ST3GAL1: variants seen among roughly 807,000 people sequenced by gnomAD.
ST3GAL1 encodes the protein CMP-N-acetylneuraminate-beta-galactosamide-alpha-2,3-sialyltransferase 1.
ST3GAL1 carries 16 observed loss-of-function variants against 34.1 expected under a neutral mutation model. That is an observed-to-expected ratio of 0.47 (90% CI 0.32 to 0.71). The LOEUF (loss-of-function observed/expected upper bound fraction) is 0.71. Among genes scored for constraint, ST3GAL1 ranks in the 30% least tolerant of loss-of-function variants. The pLI, the probability that ST3GAL1 is intolerant of heterozygous loss-of-function variation, is 0.04. For synonymous variants in ST3GAL1, 191 were observed against 184.7 expected, an observed-to-expected ratio of 1.03 and a Z score of -0.28; for missense variants, 353 against 447.4, an observed-to-expected ratio of 0.79 and a Z score of 1.90.
chr8:133,465,204 A>T (rs1180978113), intron 6 of ST3GAL1, among the ~76,000 whole-genome samples: 1 of 152,228 alleles, frequency 6.6e-6, no homozygotes, highest in East Asian at 1.9e-4. Context: ...TGTCACAGAC[A>T]ATCTCATCCA....
chr8:133,522,363 A>G (rs1817838043), intron 2 of ST3GAL1, among the ~76,000 whole-genome samples: 1 of 152,196 alleles, frequency 6.6e-6, no homozygotes, highest in Non-Finnish European at 1.5e-5. Flanking sequence ...CTCCAGGCAC[A>G]GAAGGTTCCC....
intron 1 of ST3GAL1, among the ~76,000 whole-genome samples, chr8:133,565,358 C>A (rs1175134166): frequency 1.3e-5 from 2 of 152,124 alleles, no homozygotes; most frequent in Admixed American, 1.3e-4. Flanking sequence ...ATCCGCCTGG[C>A]TCCTCTCCTG....
At chr8:133,511,191 T>C (rs1490274721) in intron 2 of ST3GAL1, among the ~76,000 whole-genome samples, 2 of 152,240 alleles carry the variant, frequency 1.3e-5, no homozygotes, top group East Asian at 3.8e-4. Context: ...TAAAAATTCT[T>C]GTCCAGCCAG....
intron 2 of ST3GAL1, among the ~76,000 whole-genome samples, chr8:133,509,696 C>T (rs138993082): frequency 3.3e-4 from 50 of 152,264 alleles, no homozygotes; most frequent in African/African-American, 1.1e-3. Flanking sequence ...TTTTACAGGA[C>T]GAGGTCAGTG....
intron 1 of ST3GAL1, among the ~76,000 whole-genome samples, chr8:133,553,560 C>T (rs1345785744): frequency 2.0e-5 from 3 of 152,206 alleles, no homozygotes; most frequent in Non-Finnish European, 4.4e-5. Flanking sequence ...TGTGTCTCCT[C>T]TTTTGGTGAT....
In ST3GAL1 at chr8:133,569,837, G is replaced by C. The variant is rs961456582; in HGVS notation, c.-582+1856C>G. On this transcript the variant is annotated intron_variant, in intron 1 of 9. Transcript: ENST00000522652. ...AGCCTCTGGGCGCTTGGGCAGCGCG[G>C]GGTAAAGAAAATCAGGAGGCTCCGC... 2.0e-5 allele frequency among the ~76,000 whole-genome samples: 3 copies of C among 152,350 alleles called. No individual in the cohort carries two copies. In the East Asian group the frequency reaches 5.8e-4, roughly 29 times the overall value.
At chr8:133,524,299 C>G in intron 2 of ST3GAL1, among the ~76,000 whole-genome samples, 1 of 152,188 alleles carries the variant, frequency 6.6e-6, no homozygotes, top group East Asian at 1.9e-4. Context: ...GGTCTCCCAG[C>G]TAGAAAGTGG....
rs757985348 is a variant in ST3GAL1 at position 133,475,759 on chromosome 8, T to C, written c.266A>G (p.Gln89Arg). 1 of 1,612,224 alleles carries C rather than the reference T, an allele frequency of 6.2e-7. No individual in the cohort carries two copies. Among genetic ancestry groups the C allele is most frequent in the South Asian group, 1.1e-5 (1 of 90,932 alleles). Reference sequence around the variant, plus strand: ...GGTGTCGTCCTCCAAGAGCGCGTTCTGGGCGGTCAGCAGCGGCTGCATGGT... The same window carrying C: ...GGTGTCGTCCTCCAAGAGCGCGTTCCGGGCGGTCAGCAGCGGCTGCATGGT... ...NQTMQPLLTA[Q>R]NALLEDDTYR... Residue 89 changes from glutamine (Q) to arginine (R), a missense_variant, in exon 5 of 10, where the codon CAG (glutamine) becomes CGG (arginine). Coordinates refer to ENST00000522652, the MANE Select transcript of ST3GAL1 (RefSeq NM_173344.3).
intron 1 of ST3GAL1, among the ~76,000 whole-genome samples, chr8:133,565,317 C>A (rs1426726308): frequency 6.6e-6 from 1 of 152,128 alleles, no homozygotes; most frequent in East Asian, 1.9e-4. Context: ...TTGCAGAGGG[C>A]AGGACAGAGG....
Position 133,458,271 on chromosome 8 carries a change from C to G in ST3GAL1, c.*1493G>C, listed in dbSNP as rs1467006326. On this transcript the variant is annotated 3_prime_UTR_variant, in exon 10 of 10. Transcript: ENST00000522652. ...TTCATTAAAACACCAGGACCACCAA[C>G]AGAGCCAGGGTGCAAACAATGTCAG... 6.6e-6 allele frequency: 1 copy of G among 152,056 alleles called. No homozygotes were observed. Among genetic ancestry groups the G allele is most frequent in the African/African-American group, 2.4e-5 (1 of 41,326 alleles). 9.4% of individuals were successfully genotyped at this position (152,056 alleles called of 1,614,324 possible). A position where few individuals can be genotyped will look rare whatever the true frequency, so the allele number is the denominator to read the frequency against.
chr8:133,506,653 T>C (rs762511742), intron 2 of ST3GAL1, among the ~76,000 whole-genome samples: 2 of 151,814 alleles, frequency 1.3e-5, no homozygotes, highest in Non-Finnish European at 2.9e-5. Context: ...GGCGTGGTGG[T>C]ACGCACCTGT....
intron 2 of ST3GAL1, among the ~76,000 whole-genome samples, chr8:133,504,891 G>A (rs1245348193): frequency 3.9e-5 from 6 of 152,064 alleles, no homozygotes; most frequent in African/African-American, 1.2e-4. Context: ...TGTTTTTTCG[G>A]GGGATCTAGG....
At chr8:133,529,182 T>C (rs1046352535) in intron 2 of ST3GAL1, among the ~76,000 whole-genome samples, 24 of 152,288 alleles carry the variant, frequency 1.6e-4, no homozygotes, top group African/African-American at 5.1e-4. Context: ...TGGGACCGGC[T>C]TTCTAGCCCT....
chr8:133,492,112 G>A lies in ST3GAL1; in HGVS notation c.-374+7023C>T, dbSNP rs1032649223. Among the ~76,000 whole-genome samples the A allele has an allele frequency of 3.3e-5, 5 of 152,160 alleles. No individual in the cohort carries two copies. In the East Asian group the frequency reaches 7.7e-4, roughly 23 times the overall value. On this transcript the variant is annotated intron_variant, in intron 3 of 9. Transcript: ENST00000522652. Reference sequence around the variant, plus strand: ...AGGCTCGGGATGGACGATACGAGGGGACACTGGGCAGCTTGGACCAGCAGA... The same window carrying A: ...AGGCTCGGGATGGACGATACGAGGGAACACTGGGCAGCTTGGACCAGCAGA...
intron 2 of ST3GAL1, among the ~76,000 whole-genome samples, chr8:133,513,254 T>A (rs1393880278): frequency 6.6e-6 from 1 of 152,210 alleles, no homozygotes; most frequent in Non-Finnish European, 1.5e-5. Flanking sequence ...TTTGCCCCTG[T>A]CTGCAGCAGC....
intron 2 of ST3GAL1, among the ~76,000 whole-genome samples, chr8:133,504,781 G>A (rs374769353): frequency 9.2e-4 from 140 of 152,258 alleles, no homozygotes; most frequent in African/African-American, 3.3e-3. Flanking sequence ...AACTCTTCTG[G>A]AAAATGGGAA....
intron 2 of ST3GAL1, chr8:133,499,447 T>C (rs555979226): frequency 2.0e-5 from 3 of 152,168 alleles, no homozygotes; most frequent in Admixed American, 1.3e-4. Context: ...AACCGCATGA[T>C]CTCTAAGACC....
chr8:133,516,787 A>C (rs1357187257), intron 2 of ST3GAL1, among the ~76,000 whole-genome samples: 1 of 152,168 alleles, frequency 6.6e-6, no homozygotes, highest in Non-Finnish European at 1.5e-5. Flanking sequence ...TTGTTTCCTA[A>C]GTCATGTGCC....
chr8:133,559,834 C>G (rs1032787140), intron 1 of ST3GAL1, among the ~76,000 whole-genome samples: 3 of 152,192 alleles, frequency 2.0e-5, no homozygotes, highest in African/African-American at 7.2e-5. Flanking sequence ...TTGCACTCAG[C>G]CTTCCTGCTC....
Sources: gnomAD v4.1 joint callset for allele counts (sites outside exome capture counted in the v4.1 genomes callset) on GRCh38, gnomAD v4.1.1 for gene constraint, MANE v1.5 for transcripts, NCBI Gene and HGNC (gene_info 2026-07-23, HGNC 2026-07-21) for gene names.